The following ARHGAP15 variants were observed in gnomAD, a reference collection of about 807,000 sequenced individuals.
ARHGAP15 encodes Rho GTPase activating protein 15.
A neutral mutation model predicts 63.7 loss-of-function variants in ARHGAP15; 51 were observed. The ratio of observed to expected loss-of-function variants is 0.80; its 90% confidence interval spans 0.64 to 1.01. ARHGAP15 has a LOEUF of 1.01. Among genes scored for constraint, ARHGAP15 ranks in the 50% least tolerant of loss-of-function variants. The pLI is 0.00. For missense variants in ARHGAP15, 560 were observed against 564.6 expected (o/e 0.99, Z 0.08); for synonymous variants, 191 against 193.8 (o/e 0.99, Z 0.12).
chr2:143,486,428 T>C (rs62172157), intron 8 of ARHGAP15, among the ~76,000 whole-genome samples: 11 of 136,556 alleles, frequency 8.1e-5, no homozygotes, highest in Admixed American at 4.0e-4. Context: ...AAAAAAACTT[T>C]AGTCAGGTGT....
intron 13 of ARHGAP15, among the ~76,000 whole-genome samples, chr2:143,712,870 G>A (rs1684643955): frequency 6.6e-6 from 1 of 151,334 alleles, no homozygotes. Context: ...CTATAGCATA[G>A]CCAGGTCCTG....
At chr2:143,767,734 T>C (rs1251711840) in intron 13 of ARHGAP15, among the ~76,000 whole-genome samples, 2 of 152,130 alleles carry the variant, frequency 1.3e-5, no homozygotes, top group African/African-American at 4.8e-5. Context: ...ATATACTCAT[T>C]CATTTCACAA....
At chr2:143,497,624 G>A (rs1341923499) in intron 9 of ARHGAP15, among the ~76,000 whole-genome samples, 1 of 152,108 alleles carries the variant, frequency 6.6e-6, no homozygotes, top group Non-Finnish European at 1.5e-5. Context: ...AGTATCCAAA[G>A]CCAGTGCTGG....
intron 13 of ARHGAP15, among the ~76,000 whole-genome samples, chr2:143,735,577 C>T (rs1456238686): frequency 6.6e-6 from 1 of 152,148 alleles, no homozygotes; most frequent in Non-Finnish European, 1.5e-5. Flanking sequence ...TTCTTCTTGT[C>T]CTGGATTGAG....
chr2:143,655,450 A>G (rs1221393031), intron 12 of ARHGAP15, among the ~76,000 whole-genome samples: 1 of 152,184 alleles, frequency 6.6e-6, no homozygotes. Flanking sequence ...GGATTTCAAC[A>G]CATCAATTTT....
intron 12 of ARHGAP15, among the ~76,000 whole-genome samples, chr2:143,694,766 T>C (rs1683769020): frequency 6.6e-6 from 1 of 152,256 alleles, no homozygotes; most frequent in African/African-American, 2.4e-5. Context: ...CTGGACAGTT[T>C]ACTATACTAA....
intron 6 of ARHGAP15, among the ~76,000 whole-genome samples, chr2:143,306,989 A>G (rs965635305): frequency 6.6e-5 from 10 of 152,002 alleles, no homozygotes; most frequent in Middle Eastern, 3.2e-3. Flanking sequence ...TGGGGCTGTG[A>G]TCTCCTCTGA....
At chr2:143,453,050 G>A (rs1690479925) in intron 8 of ARHGAP15, among the ~76,000 whole-genome samples, 1 of 151,786 alleles carries the variant, frequency 6.6e-6, no homozygotes, top group East Asian at 1.9e-4. Context: ...GAGCTTACCA[G>A]GCTGTAGGCA....
At position 143,216,369 on chromosome 2, in the gene ARHGAP15, G is replaced by T; in HGVS notation, c.235-15G>T. On this transcript the variant is annotated splice_polypyrimidine_tract_variant and intron_variant, in intron 3 of 13. Transcript: ENST00000295095. ...GTAGTTTGTCACGGTTTTAACATAT[G>T]CATTCTTCTTGCAGATGGTTGAAAA... The T allele has an allele frequency of 6.2e-7, 1 of 1,603,076 alleles. No individual in the cohort carries two copies. The highest frequency in any genetic ancestry group is 1.1e-5 in the South Asian group (1 of 90,226).
At chr2:143,519,744 C>G (rs1693980446) in intron 10 of ARHGAP15, among the ~76,000 whole-genome samples, 1 of 152,156 alleles carries the variant, frequency 6.6e-6, no homozygotes, top group Non-Finnish European at 1.5e-5. Context: ...CCCAACATTA[C>G]CCAAGTTAAG....
intron 5 of ARHGAP15, among the ~76,000 whole-genome samples, chr2:143,240,890 A>G (rs1693837479): frequency 6.6e-6 from 1 of 152,212 alleles, no homozygotes; most frequent in South Asian, 2.1e-4. Flanking sequence ...ATTAACTATA[A>G]TAAATTCTGT....
chr2:143,500,475 A>G (rs539186385), intron 9 of ARHGAP15, among the ~76,000 whole-genome samples: 3 of 152,260 alleles, frequency 2.0e-5, no homozygotes, highest in African/African-American at 7.2e-5. Flanking sequence ...CAATTTGTGG[A>G]ATAAGAGATT....
intron 6 of ARHGAP15, among the ~76,000 whole-genome samples, chr2:143,326,484 A>G (rs1684254947): frequency 6.6e-6 from 1 of 152,226 alleles, no homozygotes; most frequent in Non-Finnish European, 1.5e-5. Context: ...CGGCTTTATC[A>G]GCTAAAGTCC....
At chr2:143,170,814 A>C (rs1173220401) in intron 2 of ARHGAP15, among the ~76,000 whole-genome samples, 1 of 152,104 alleles carries the variant, frequency 6.6e-6, no homozygotes, top group Non-Finnish European at 1.5e-5. Flanking sequence ...TTTATTTTAA[A>C]AACTTATTTA....
At chr2:143,712,932 G>A (rs1684646190) in intron 13 of ARHGAP15, among the ~76,000 whole-genome samples, 1 of 152,160 alleles carries the variant, frequency 6.6e-6, no homozygotes, top group Non-Finnish European at 1.5e-5. Flanking sequence ...ACTGGCTCCA[G>A]AAGGGCAGAA....
At chr2:143,553,768 T>C (rs947862485) in intron 10 of ARHGAP15, among the ~76,000 whole-genome samples, 3 of 152,170 alleles carry the variant, frequency 2.0e-5, no homozygotes, top group Non-Finnish European at 2.9e-5. Flanking sequence ...GCACTTCTTA[T>C]ATTGTAACAC....
chr2:143,242,063 A>T (rs185061313), intron 5 of ARHGAP15, among the ~76,000 whole-genome samples: 8 of 152,336 alleles, frequency 5.3e-5, no homozygotes, highest in Admixed American at 2.6e-4. Context: ...TTTTGATTAA[A>T]GTTCACCACC....
At chr2:143,424,861 G>A (rs905557462) in intron 6 of ARHGAP15, among the ~76,000 whole-genome samples, 7 of 152,050 alleles carry the variant, frequency 4.6e-5, no homozygotes, top group African/African-American at 1.7e-4. Flanking sequence ...ATACCTCACA[G>A]TTCTTAGAAT....
chr2:143,254,917 A>G (rs1299923703), intron 6 of ARHGAP15, among the ~76,000 whole-genome samples: 2 of 151,996 alleles, frequency 1.3e-5, no homozygotes, highest in Non-Finnish European at 2.9e-5. Context: ...GTACTCCAAA[A>G]TTTCCAGGGT....
Sources: gnomAD v4.1 joint callset for allele counts (sites outside exome capture counted in the v4.1 genomes callset) on GRCh38, gnomAD v4.1.1 for gene constraint, MANE v1.5 for transcripts, NCBI Gene and HGNC (gene_info 2026-07-23, HGNC 2026-07-21) for gene names.